The following SMC6 variants were observed in gnomAD, a reference collection of about 807,000 sequenced individuals.
SMC6 encodes structural maintenance of chromosomes protein 6.
A neutral mutation model predicts 142.2 loss-of-function variants in SMC6; 79 were observed. The observed-to-expected ratio is 0.56, with a 90% CI of 0.46 to 0.67. The LOEUF (loss-of-function observed/expected upper bound fraction) is 0.67, where lower values mean the gene tolerates loss of function less well. Among genes scored for constraint, SMC6 ranks in the 30% least tolerant of loss-of-function variants. The pLI is 0.00. For missense variants in SMC6, 1,072 were observed against 1,284.0 expected, an observed-to-expected ratio of 0.83 and a Z score of 2.52; for synonymous variants, 411 against 412.4, an observed-to-expected ratio of 1.00 and a Z score of 0.04.
intron 23 of SMC6, among the ~76,000 whole-genome samples, chr2:17,684,984 G>A (rs972573089): frequency 2.6e-5 from 4 of 151,904 alleles, no homozygotes; most frequent in East Asian, 1.9e-4. Flanking sequence ...ACCCACAGAC[G>A]GGAAGGTAGG....
chr2:17,685,573 C>A (rs917876978), intron 23 of SMC6, among the ~76,000 whole-genome samples: 1 of 152,044 alleles, frequency 6.6e-6, no homozygotes, highest in African/African-American at 2.4e-5. Context: ...AAGACAAAAT[C>A]TATTCCTCAC....
chr2:17,690,144 A>G (rs1667637373), intron 23 of SMC6, among the ~76,000 whole-genome samples: 1 of 152,274 alleles, frequency 6.6e-6, no homozygotes, highest in South Asian at 2.1e-4. Context: ...GAGAAATGTA[A>G]TATGTGAGTG....
intron 24 of SMC6, chr2:17,679,445 C>T (rs1453511623): frequency 2.0e-5 from 3 of 152,388 alleles, no homozygotes; most frequent in Admixed American, 2.0e-4. Context: ...CACTGGGTAC[C>T]TCTAATGCCT....
At chr2:17,718,340 C>A in intron 11 of SMC6, 117 bp from the exon 12 acceptor site, 1 of 579,862 alleles carries the variant, frequency 1.7e-6, no homozygotes, top group Non-Finnish European at 2.8e-6. Flanking sequence ...AGACATCAGG[C>A]AAATAAACAT....
intron 18 of SMC6, among the ~76,000 whole-genome samples, chr2:17,706,199 A>C (rs1008057005): frequency 6.6e-6 from 1 of 152,174 alleles, no homozygotes; most frequent in African/African-American, 2.4e-5. Context: ...ATGTTATAGC[A>C]TTTTAACAAT....
At chr2:17,752,012 G>A (rs965750304) in intron 2 of SMC6, among the ~76,000 whole-genome samples, 1 of 152,172 alleles carries the variant, frequency 6.6e-6, no homozygotes, top group African/African-American at 2.4e-5. Flanking sequence ...CATGACTTGT[G>A]TACTTTTTGC....
At chr2:17,702,345 T>G (rs1393760655) in intron 19 of SMC6, among the ~76,000 whole-genome samples, 1 of 152,166 alleles carries the variant, frequency 6.6e-6, no homozygotes, top group African/African-American at 2.4e-5. Flanking sequence ...ATTTGCCACT[T>G]TTATTAGCAT....
chr2:17,739,829 CACACACACACACACAG>C (rs1274719805), intron 4 of SMC6, among the ~76,000 whole-genome samples: 1 of 115,504 alleles, frequency 8.7e-6, no homozygotes, highest in South Asian at 2.4e-4. Context: ...TAAACACACA[CACACACACACACACAG>C]ACACACACAC....
chr2:17,676,576 C>G (rs925759946), intron 25 of SMC6, among the ~76,000 whole-genome samples: 1 of 152,116 alleles, frequency 6.6e-6, no homozygotes, highest in Non-Finnish European at 1.5e-5. Context: ...TCAATTTCTA[C>G]AAAAACGTCT....
intron 16 of SMC6, among the ~76,000 whole-genome samples, chr2:17,709,750 C>G (rs545594075): frequency 6.6e-6 from 1 of 152,008 alleles, no homozygotes; most frequent in African/African-American, 2.4e-5. Context: ...GCTTATGGTG[C>G]TTTTTTACAC....
intron 9 of SMC6, among the ~76,000 whole-genome samples, chr2:17,722,491 A>AAACAAAACCACCAATAC (rs1669421804): frequency 6.6e-6 from 1 of 151,996 alleles, no homozygotes; most frequent in African/African-American, 2.4e-5. Flanking sequence ...ATCCCTTGGC[A>AAACAAAACCACCAATAC]CCACCTCCTC....
chr2:17,690,151 A>G (rs1667637892), intron 23 of SMC6, among the ~76,000 whole-genome samples: 1 of 152,260 alleles, frequency 6.6e-6, no homozygotes, highest in South Asian at 2.1e-4. Flanking sequence ...GTAATATGTG[A>G]GTGACTAGCA....
At chr2:17,723,146 T>C (rs1422469705) in intron 9 of SMC6, among the ~76,000 whole-genome samples, 2 of 152,178 alleles carry the variant, frequency 1.3e-5, no homozygotes, top group African/African-American at 4.8e-5. Flanking sequence ...TTAACTTTAC[T>C]TCTCCATGTC....
At chr2:17,706,324 A>T (rs1333466771) in intron 18 of SMC6, among the ~76,000 whole-genome samples, 2 of 152,182 alleles carry the variant, frequency 1.3e-5, no homozygotes, top group Non-Finnish European at 2.9e-5. Context: ...AATAAACAAA[A>T]GCAAGTGCCA....
intron 4 of SMC6, among the ~76,000 whole-genome samples, chr2:17,741,202 C>T (rs1446073091): frequency 6.6e-6 from 1 of 152,180 alleles, no homozygotes; most frequent in Non-Finnish European, 1.5e-5. Context: ...ACAAATACCA[C>T]CTCCTCTTAA....
intron 3 of SMC6, among the ~76,000 whole-genome samples, chr2:17,743,747 C>A (rs1224473405): frequency 6.6e-6 from 1 of 152,236 alleles, no homozygotes; most frequent in Admixed American, 6.5e-5. Context: ...ACCTATTCAT[C>A]CCTCCCTTTC....
intron 17 of SMC6, among the ~76,000 whole-genome samples, chr2:17,708,208 C>G (rs955911568): frequency 6.6e-6 from 1 of 151,954 alleles, no homozygotes; most frequent in Non-Finnish European, 1.5e-5. Context: ...AACACCTACA[C>G]AGATAAATAG....
At chr2:17,750,662 T>G (rs1670979725) in intron 2 of SMC6, among the ~76,000 whole-genome samples, 1 of 152,148 alleles carries the variant, frequency 6.6e-6, no homozygotes. Context: ...AATTGGCTAT[T>G]AATCTGTCCT....
At chr2:17,688,863 G>A (rs1667576304) in intron 23 of SMC6, among the ~76,000 whole-genome samples, 1 of 152,150 alleles carries the variant, frequency 6.6e-6, no homozygotes, top group Admixed American at 6.5e-5. Flanking sequence ...AGATAACATA[G>A]GCTCTTCCTT....
Sources: gnomAD v4.1 joint callset for allele counts (sites outside exome capture counted in the v4.1 genomes callset) on GRCh38, gnomAD v4.1.1 for gene constraint, MANE v1.5 for transcripts, NCBI Gene and HGNC (gene_info 2026-07-23, HGNC 2026-07-21) for gene names.